Variants in GLRB observed in about 807,000 individuals in gnomAD.
The protein encoded by GLRB is glycine receptor subunit beta.
In GLRB, 33 loss-of-function variants were observed where a neutral mutation model predicts 54.2. The ratio of observed to expected loss-of-function variants is 0.61; its 90% CI spans 0.46 to 0.81. GLRB has a LOEUF of 0.81. Ranked by LOEUF, GLRB falls within the 40% of genes least tolerant of loss-of-function variation. GLRB has a pLI of 0.00. For missense variants in GLRB, 572 were observed against 584.6 expected, an observed-to-expected ratio of 0.98 and a Z score of 0.22; for synonymous variants, 209 against 208.2, an observed-to-expected ratio of 1.00 and a Z score of -0.03.
intron 2 of GLRB, among the ~76,000 whole-genome samples, chr4:157,097,204 C>G (rs889661825): frequency 2.2e-4 from 34 of 152,210 alleles, no homozygotes; most frequent in African/African-American, 7.9e-4. Context: ...CTGGTTTGGA[C>G]TCCATTAGAT....
chr4:157,093,754 C>CAAAAAAAAAAAAA (rs70958808), intron 2 of GLRB, among the ~76,000 whole-genome samples: 2 of 60,842 alleles, frequency 3.3e-5, no homozygotes, highest in South Asian at 5.9e-4. Flanking sequence ...GACTCCATCT[C>CAAAAAAAAAAAAA]AAAAAAAAAA....
At chr4:157,087,420 A>G (rs192590816) in intron 2 of GLRB, among the ~76,000 whole-genome samples, 55 of 152,210 alleles carry the variant, frequency 3.6e-4, no homozygotes, top group Admixed American at 3.6e-3. Flanking sequence ...TTTGATCTCA[A>G]TAATCTCCTA....
In GLRB at chr4:157,161,700, G is replaced by A. The variant is rs371834104; in HGVS notation, c.1197+8690G>A. ...TTGTAGAGTTTCTGCCAAGAGATCC[G>A]CTGTTAGTCTGATGGGCTTCCCTTT... On this transcript the variant is annotated intron_variant, in intron 9 of 9. Coordinates refer to ENST00000264428, the MANE Select transcript of GLRB (RefSeq NM_000824.5). Among the ~76,000 whole-genome samples, 65 of 152,302 alleles carry A rather than the reference G, an allele frequency of 4.3e-4. 1 individual carries two copies. The South Asian group carries it at 5.2e-3, about 12-fold the overall frequency.
chr4:157,150,642 C>A (rs1220616723), intron 8 of GLRB, among the ~76,000 whole-genome samples: 2 of 151,990 alleles, frequency 1.3e-5, no homozygotes, highest in Non-Finnish European at 2.9e-5. Context: ...ATCATCGGTT[C>A]TTTGTTCCTT....
chr4:157,129,527 A>G (rs981339477), intron 4 of GLRB, among the ~76,000 whole-genome samples: 152 of 151,804 alleles, frequency 1.0e-3, no homozygotes, highest in African/African-American at 3.5e-3. Context: ...CTTAAAAGAT[A>G]CATAAGCTTG....
At chr4:157,084,536 A>G (rs2126429871) in intron 2 of GLRB, 1 of 446,998 alleles carries the variant, frequency 2.2e-6, no homozygotes, top group South Asian at 1.6e-5. Context: ...ATAACTTTTA[A>G]TTTTTATTCT....
At chr4:157,104,880 T>C (rs1266378858) in intron 2 of GLRB, among the ~76,000 whole-genome samples, 1 of 152,044 alleles carries the variant, frequency 6.6e-6, no homozygotes, top group African/African-American at 2.4e-5. Flanking sequence ...CGTTTGTGTT[T>C]CTGTGGCATC....
At chr4:157,109,635 A>G (rs889109278) in intron 2 of GLRB, among the ~76,000 whole-genome samples, 2 of 151,910 alleles carry the variant, frequency 1.3e-5, no homozygotes, top group Non-Finnish European at 2.9e-5. Context: ...TCAGTCCAAG[A>G]AGACTGCCCC....
chr4:157,168,490 T>C (rs1444333792), intron 9 of GLRB, among the ~76,000 whole-genome samples: 1 of 152,096 alleles, frequency 6.6e-6, no homozygotes, highest in African/African-American at 2.4e-5. Flanking sequence ...AATGAAACTG[T>C]CTAGAAAAAA....
chr4:157,133,786 C>G (rs953989728), intron 4 of GLRB, among the ~76,000 whole-genome samples: 1 of 151,872 alleles, frequency 6.6e-6, no homozygotes, highest in Non-Finnish European at 1.5e-5. Flanking sequence ...AATGCTTAGA[C>G]TTAATATACT....
chr4:157,114,751 G>T (rs778357778), intron 2 of GLRB, among the ~76,000 whole-genome samples: 17 of 151,902 alleles, frequency 1.1e-4, no homozygotes, highest in Non-Finnish European at 2.4e-4. Flanking sequence ...TTTATCGGAT[G>T]TGTTTCCCAT....
chr4:157,138,117 G>T (rs1736472099), intron 6 of GLRB, among the ~76,000 whole-genome samples: 1 of 152,096 alleles, frequency 6.6e-6, no homozygotes, highest in East Asian at 1.9e-4. Context: ...TGTCACCCAG[G>T]CTAGACTACA....
intron 9 of GLRB, among the ~76,000 whole-genome samples, chr4:157,157,890 T>A (rs923189455): frequency 2.0e-5 from 3 of 152,204 alleles, no homozygotes; most frequent in Admixed American, 6.5e-5. Flanking sequence ...GCATTTCTAG[T>A]TCTAGATCCT....
chr4:157,091,672 A>C (rs896842773), intron 2 of GLRB, among the ~76,000 whole-genome samples: 1 of 152,178 alleles, frequency 6.6e-6, no homozygotes, highest in African/African-American at 2.4e-5. Context: ...TATAGTGTCA[A>C]CGTGAGTGAT....
chr4:157,136,748 C>A, intron 5 of GLRB, 50 bp downstream of exon 5: 1 of 1,498,280 alleles, frequency 6.7e-7, no homozygotes, highest in Non-Finnish European at 9.3e-7. Context: ...CTTCTAAAAT[C>A]AATGGATGAC....
chr4:157,121,301 G>A (rs1478334493), intron 3 of GLRB, among the ~76,000 whole-genome samples: 2 of 151,544 alleles, frequency 1.3e-5, no homozygotes, highest in Non-Finnish European at 3.0e-5. Flanking sequence ...AATAAAATAA[G>A]CCATGAGCAG....
intron 9 of GLRB, among the ~76,000 whole-genome samples, chr4:157,156,478 T>C (rs973121763): frequency 1.3e-5 from 2 of 152,188 alleles, no homozygotes; most frequent in African/African-American, 2.4e-5. Context: ...AGTCACATCA[T>C]TGTTGAACAG....
chr4:157,083,115 G>A (rs916913801), intron 2 of GLRB, among the ~76,000 whole-genome samples: 7 of 151,670 alleles, frequency 4.6e-5, no homozygotes, highest in South Asian at 4.2e-4. Context: ...TATGTTAAGC[G>A]TATTACTTTT....
chr4:157,170,348 A>C, intron 9 of GLRB, 84 bp from the exon 10 acceptor site: 1 of 792,976 alleles, frequency 1.3e-6, no homozygotes, highest in Non-Finnish European at 2.1e-6. Context: ...TGTAGAAACT[A>C]GCAATTTTAA....
Sources: allele counts gnomAD v4.1 joint callset (sites outside exome capture counted in the v4.1 genomes callset), GRCh38; gene constraint gnomAD v4.1.1; transcripts MANE v1.5; gene names NCBI Gene and HGNC (gene_info 2026-07-23, HGNC 2026-07-21).